The following MTMR8 variants were observed in gnomAD, a reference collection of about 807,000 sequenced individuals.
The protein encoded by MTMR8 is myotubularin related protein 8, also known as phosphatidylinositol-3,5-bisphosphate 3-phosphatase MTMR8.
Under a neutral mutation model 39.3 loss-of-function variants are expected in MTMR8, and 65 were observed. The ratio of observed to expected loss-of-function variants is 1.65; its 90% CI spans 1.35 to 2.03. The LOEUF (loss-of-function observed/expected upper bound fraction) is 2.03. Among genes scored for constraint, MTMR8 ranks in the 30% most tolerant of loss-of-function variants. MTMR8 has a pLI of 0.00. For missense variants in MTMR8, 777 were observed against 538.9 expected (o/e 1.44, Z -4.37); for synonymous variants, 245 against 185.2 (o/e 1.32, Z -2.62).
intron 1 of MTMR8, among the ~76,000 whole-genome samples, chrX:64,385,863 G>A (rs1924544483): frequency 1.8e-5 from 2 of 111,267 alleles, no homozygotes; most frequent in African/African-American, 6.6e-5. Flanking sequence ...GACTTGGTGG[G>A]GACAAAGATC....
chrX:64,315,963 C>T (rs1040343893), intron 12 of MTMR8, among the ~76,000 whole-genome samples: 4 of 111,330 alleles, frequency 3.6e-5, no homozygotes, highest in Admixed American at 9.6e-5. Flanking sequence ...CGTGTATCAT[C>T]GTGTAGTGGT....
chrX:64,302,133 G>A (rs1921905848), intron 12 of MTMR8, among the ~76,000 whole-genome samples: 1 of 112,884 alleles, frequency 8.9e-6, no homozygotes, highest in African/African-American at 3.2e-5. Flanking sequence ...ACCTGAGCAA[G>A]CCTGGGCAAT....
chrX:64,354,937 G>A lies in MTMR8; in HGVS notation c.311-3C>T. Reference sequence around the variant, plus strand: ...AGCATAAAGATCTTCAGGTAATGCTGGAGAAGAGAGATAGGCATGGAAAAC... The same window carrying A: ...AGCATAAAGATCTTCAGGTAATGCTAGAGAAGAGAGATAGGCATGGAAAAC... On this transcript the variant is annotated splice_polypyrimidine_tract_variant and splice_region_variant and intron_variant, in intron 3 of 13. Transcript: ENST00000374852. The A allele has an allele frequency of 8.5e-7, 1 of 1,178,759 alleles. No homozygotes were observed. The highest frequency in any genetic ancestry group is 1.8e-5 in the African/African-American group (1 of 56,445).
chrX:64,278,919 G>T (rs1257255455), intron 12 of MTMR8, among the ~76,000 whole-genome samples: 1 of 111,871 alleles, frequency 8.9e-6, no homozygotes. Context: ...AGCAAAGATT[G>T]CTGCCTGTTC....
At chrX:64,369,207 A>G (rs926375764) in intron 1 of MTMR8, among the ~76,000 whole-genome samples, 7 of 111,754 alleles carry the variant, frequency 6.3e-5, no homozygotes, top group African/African-American at 2.3e-4. Flanking sequence ...ACAGTGTGGC[A>G]ATTCCTCAAG....
At chrX:64,394,894 G>A (rs1338164881) in intron 1 of MTMR8, among the ~76,000 whole-genome samples, 2 of 112,629 alleles carry the variant, frequency 1.8e-5, no homozygotes, top group Non-Finnish European at 3.8e-5. Context: ...GGGAAGGTTA[G>A]TGGCTGGAGG....
chrX:64,383,141 A>C (rs1924474494), intron 1 of MTMR8, among the ~76,000 whole-genome samples: 1 of 111,450 alleles, frequency 9.0e-6, no homozygotes, highest in Admixed American at 9.6e-5. Flanking sequence ...TCTTCAAAGA[A>C]AAAAGATCTC....
At chrX:64,328,161 C>T (rs1922848719) in intron 12 of MTMR8, among the ~76,000 whole-genome samples, 2 of 111,625 alleles carry the variant, frequency 1.8e-5, no homozygotes, top group Non-Finnish European at 3.8e-5. Context: ...GACACCAGTG[C>T]CTCTTTTCAC....
chrX:64,355,035 G>T, intron 3 of MTMR8, 101 bp from the exon 4 acceptor site: 1 of 777,983 alleles, frequency 1.3e-6, no homozygotes, highest in Non-Finnish European at 1.8e-6. Context: ...CTAAGGGAAT[G>T]TTTGTCAAAC....
At chrX:64,276,649 T>C (rs778843377) in intron 12 of MTMR8, among the ~76,000 whole-genome samples, 6 of 111,715 alleles carry the variant, frequency 5.4e-5, no homozygotes, top group Non-Finnish European at 9.4e-5. Flanking sequence ...GAGACACTGT[T>C]TGTTATGATT....
At chrX:64,275,898 C>T in intron 12 of MTMR8, among the ~76,000 whole-genome samples, 1 of 110,965 alleles carries the variant, frequency 9.0e-6, no homozygotes, top group East Asian at 2.8e-4. Flanking sequence ...ACACAACCTA[C>T]CAAGACTAAA....
intron 12 of MTMR8, among the ~76,000 whole-genome samples, chrX:64,322,786 T>C (rs1179944029): frequency 2.7e-5 from 3 of 112,585 alleles, no homozygotes; most frequent in Non-Finnish European, 3.8e-5. Flanking sequence ...CCTCTGAGAA[T>C]AAGCTGCCTA....
In MTMR8 at chrX:64,356,233, C is replaced by G. The variant is rs1322671566; in HGVS notation, c.253G>C (p.Asp85His). 5 of 1,209,113 alleles carry G rather than the reference C, an allele frequency of 4.1e-6. No individual in the cohort carries two copies. Among genetic ancestry groups the G allele is most frequent in the Admixed American group, 4.4e-5 (2 of 45,795 alleles). Residue 85 changes from aspartate to histidine, a missense_variant, in exon 3 of 14, where the codon GAT becomes CAT. Asp to His is a moderately conservative substitution (Grantham distance 81). Transcript: ENST00000374852. The part of the protein sequence containing the change: ...KNFRVAHFVL[D>H]SDLVCHEVYI... ...ACCTCATGGCACACAAGGTCAGAAT[C>G]TAAAACAAAGTGGGCCACCCGGAAA...
intron 1 of MTMR8, among the ~76,000 whole-genome samples, chrX:64,379,220 C>T (rs1602156616): frequency 9.0e-6 from 1 of 111,636 alleles, no homozygotes. Context: ...AAAATTATAG[C>T]AATTATCTAC....
chrX:64,352,519 T>G (rs1923511785), intron 4 of MTMR8, among the ~76,000 whole-genome samples: 1 of 111,574 alleles, frequency 9.0e-6, no homozygotes, highest in Non-Finnish European at 1.9e-5. Flanking sequence ...CAAACCCAAA[T>G]GCTTGAAATC....
chrX:64,386,444 T>C (rs369482112), intron 1 of MTMR8, among the ~76,000 whole-genome samples: 1 of 110,977 alleles, frequency 9.0e-6, no homozygotes. Flanking sequence ...CAGTGTAAGA[T>C]AAATGAAAAA....
At chrX:64,284,796 GC>G (rs1448772799) in intron 12 of MTMR8, among the ~76,000 whole-genome samples, 1 of 111,640 alleles carries the variant, frequency 9.0e-6, no homozygotes, top group Admixed American at 9.5e-5. Flanking sequence ...TCACCACCAG[GC>G]CTGCCCTACA....
chrX:64,317,142 T>C (rs1336664053), intron 12 of MTMR8, among the ~76,000 whole-genome samples: 1 of 110,762 alleles, frequency 9.0e-6, no homozygotes, highest in Non-Finnish European at 1.9e-5. Context: ...ATATTTTAGT[T>C]TTCACAAATT....
chrX:64,327,154 A>G (rs1468506000), intron 12 of MTMR8, among the ~76,000 whole-genome samples: 2 of 111,977 alleles, frequency 1.8e-5, no homozygotes, highest in Non-Finnish European at 3.8e-5. Context: ...CTCTAAAAGC[A>G]CAGGTAACAA....
Sources: allele counts gnomAD v4.1 joint callset (sites outside exome capture counted in the v4.1 genomes callset), GRCh38; gene constraint gnomAD v4.1.1; transcripts MANE v1.5; gene names NCBI Gene and HGNC (gene_info 2026-07-23, HGNC 2026-07-21).